Variants in ZNF277 observed in about 807,000 individuals in gnomAD.
ZNF277 encodes zinc finger protein 277, also known as nuclear receptor-interacting factor 4.
ZNF277 carries 55 observed loss-of-function variants against 60.7 expected under a neutral mutation model. The ratio of observed to expected loss-of-function variants is 0.91; its 90% confidence interval spans 0.73 to 1.13. The LOEUF (loss-of-function observed/expected upper bound fraction) is 1.13, where lower values mean the gene tolerates loss of function less well. ZNF277 is among the 50% of genes most tolerant of loss of function. The pLI, the probability that ZNF277 is intolerant of heterozygous loss-of-function variation, is 0.00. For synonymous variants in ZNF277, 178 were observed against 179.3 expected (o/e 0.99, Z 0.06); for missense variants, 510 against 523.0 (o/e 0.98, Z 0.24).
rs149164460 is a variant in ZNF277, at chr7:112,340,370, T to A, written c.1009+485T>A. Among the ~76,000 whole-genome samples the A allele has an allele frequency of 1.9e-4, 29 of 152,288 alleles. No homozygotes were observed. In the East Asian group the frequency reaches 5.0e-3, roughly 26 times the overall value. The stretch of plus-strand genomic sequence containing the variant: ...TGTATCATTCTAAGTATCACAACAA[T>A]AGAACGATTTGGGGCATTAAGACAT... On this transcript the variant is annotated intron_variant, in intron 10 of 11. Coordinates refer to ENST00000361822, the MANE Select transcript of ZNF277 (RefSeq NM_021994.3).
chr7:112,305,789 A>G (rs1463913169), intron 4 of ZNF277, among the ~76,000 whole-genome samples: 1 of 152,046 alleles, frequency 6.6e-6, no homozygotes, highest in East Asian at 1.9e-4. Flanking sequence ...TGACTGATAT[A>G]CCACTCTCCA....
chr7:112,339,718 C>A, intron 9 of ZNF277, 125 bp from the exon 10 acceptor site: 4 of 884,944 alleles, frequency 4.5e-6, no homozygotes, highest in Non-Finnish European at 7.0e-6. Context: ...ACTTCAAAAG[C>A]AGAAGATACC....
At chr7:112,320,629 C>T (rs778157581) in intron 5 of ZNF277, among the ~76,000 whole-genome samples, 22 of 152,058 alleles carry the variant, frequency 1.4e-4, no homozygotes, top group Non-Finnish European at 2.6e-4. Flanking sequence ...CTCTCCTCCA[C>T]ACCCTTCATT....
At chr7:112,286,841 CTT>C (rs10710470) in intron 1 of ZNF277, 30 bp from the exon 2 acceptor site, 169,664 of 927,224 alleles carry the variant, frequency 0.18, 11 homozygotes, top group Non-Finnish European at 0.2. Flanking sequence ...TTCTTTCTTT[CTT>C]TTTTTTTTTT....
rs768426067 is a variant in ZNF277, at chr7:112,340,976, T to G, written c.1114T>G (p.Leu372Val). Residue 372 changes from leucine to valine, a missense_variant, in exon 11 of 12, where the codon TTA becomes GTA. By Grantham distance (32) the Leu-to-Val change is conservative. Coordinates refer to ENST00000361822, the MANE Select transcript of ZNF277 (RefSeq NM_021994.3). The part of the protein sequence containing the change: ...CHVKFKSKAD[L>V]RTHMEETKHT... ...TGTGAAGTTCAAATCCAAAGCAGAC[T>G]TAAGAACTCACATGGAAGAAACTAA... The G allele has an allele frequency of 6.2e-7, 1 of 1,611,596 alleles. No homozygotes were observed. The highest frequency in any genetic ancestry group is 1.7e-5 in the Admixed American group (1 of 59,586).
At chr7:112,339,940 C>T in intron 10 of ZNF277, 55 bp downstream of exon 10, 1 of 1,523,618 alleles carries the variant, frequency 6.6e-7, no homozygotes, top group Non-Finnish European at 9.0e-7. Context: ...ATAAACCATC[C>T]TGTAAGCTAT....
At chr7:112,234,789 A>T (rs1822443096) in intron 1 of ZNF277, among the ~76,000 whole-genome samples, 1 of 151,890 alleles carries the variant, frequency 6.6e-6, no homozygotes, top group South Asian at 2.1e-4. Flanking sequence ...TACATAGTAT[A>T]TATTTGCATC....
chr7:112,328,225 T>G (rs73424499), intron 6 of ZNF277: 4,265 of 157,282 alleles, frequency 0.027, 207 homozygotes, highest in African/African-American at 0.098. Flanking sequence ...TCACTGTAAC[T>G]TGTCTACATA....
intron 1 of ZNF277, among the ~76,000 whole-genome samples, chr7:112,233,404 A>C (rs1822392581): frequency 6.6e-6 from 1 of 152,218 alleles, no homozygotes; most frequent in Non-Finnish European, 1.5e-5. Context: ...CTACACTGTT[A>C]GCAAGTCATA....
intron 1 of ZNF277, among the ~76,000 whole-genome samples, chr7:112,283,330 C>G (rs1360240527): frequency 6.6e-6 from 1 of 152,186 alleles, no homozygotes; most frequent in African/African-American, 2.4e-5. Context: ...GAATTGGAGA[C>G]CAGCCAGGCC....
At chr7:112,330,000 A>T in intron 6 of ZNF277, 84 bp from the exon 7 acceptor site, 1 of 1,450,342 alleles carries the variant, frequency 6.9e-7, no homozygotes, top group Non-Finnish European at 9.2e-7. Flanking sequence ...TAAAATGAAT[A>T]AATATGAAAC....
intron 1 of ZNF277, among the ~76,000 whole-genome samples, chr7:112,261,003 C>T (rs373498997): frequency 6.6e-6 from 1 of 152,184 alleles, no homozygotes; most frequent in East Asian, 1.9e-4. Context: ...AAGATCAGAA[C>T]TCACAACAAT....
chr7:112,255,972 G>GCA (rs1251158379), intron 1 of ZNF277, among the ~76,000 whole-genome samples: 1 of 152,078 alleles, frequency 6.6e-6, no homozygotes, highest in Non-Finnish European at 1.5e-5. Flanking sequence ...TCTCGACCTT[G>GCA]CACATACCTT....
At chr7:112,240,783 T>C (rs2116992960) in intron 1 of ZNF277, among the ~76,000 whole-genome samples, 1 of 152,308 alleles carries the variant, frequency 6.6e-6, no homozygotes, top group South Asian at 2.1e-4. Flanking sequence ...CAAATGATTC[T>C]GGGAAAACGA....
intron 4 of ZNF277, among the ~76,000 whole-genome samples, chr7:112,302,503 T>C (rs1297909305): frequency 6.6e-6 from 1 of 152,140 alleles, no homozygotes; most frequent in Non-Finnish European, 1.5e-5. Flanking sequence ...TTTTCTTAAA[T>C]ATAAGATGAT....
intron 4 of ZNF277, among the ~76,000 whole-genome samples, chr7:112,300,238 G>C (rs999531133): frequency 1.3e-5 from 2 of 150,792 alleles, no homozygotes; most frequent in East Asian, 3.9e-4. Context: ...TGCAAGATTT[G>C]TATGTGTTCC....
intron 1 of ZNF277, among the ~76,000 whole-genome samples, chr7:112,258,099 A>C (rs1243155139): frequency 6.6e-6 from 1 of 152,190 alleles, no homozygotes; most frequent in Non-Finnish European, 1.5e-5. Context: ...GATGGTAACT[A>C]ATTGAAATTA....
At chr7:112,207,775 C>T (rs545630237) in intron 1 of ZNF277, among the ~76,000 whole-genome samples, 112 of 152,028 alleles carry the variant, frequency 7.4e-4, no homozygotes, top group Middle Eastern at 6.8e-3. Flanking sequence ...TTTGTTTTTG[C>T]TTTCACAGTT....
intron 5 of ZNF277, among the ~76,000 whole-genome samples, chr7:112,326,406 C>G (rs956737484): frequency 6.6e-6 from 1 of 152,092 alleles, no homozygotes; most frequent in Non-Finnish European, 1.5e-5. Context: ...ACCACACTGC[C>G]TACAAGAGGC....
Sources: allele counts gnomAD v4.1 joint callset (sites outside exome capture counted in the v4.1 genomes callset), GRCh38; gene constraint gnomAD v4.1.1; transcripts MANE v1.5; gene names NCBI Gene and HGNC (gene_info 2026-07-23, HGNC 2026-07-21).